PPME1: variants seen among roughly 807,000 people sequenced by gnomAD.
The protein encoded by PPME1 is protein phosphatase methylesterase 1, also known as testicular secretory protein Li 39.
PPME1 carries 17 observed loss-of-function variants against 56.9 expected under a neutral mutation model. The ratio of observed to expected loss-of-function variants is 0.30; its 90% CI spans 0.20 to 0.45. PPME1 has a LOEUF of 0.45. Ranked by LOEUF, PPME1 falls within the 20% of genes least tolerant of loss-of-function variation. The pLI is 1.00. For missense variants in PPME1, 357 were observed against 483.2 expected (o/e 0.74, Z 2.45); for synonymous variants, 122 against 156.2 (o/e 0.78, Z 1.63).
intron 1 of PPME1, among the ~76,000 whole-genome samples, chr11:74,187,282 C>T (rs1047644977): frequency 5.3e-5 from 8 of 152,128 alleles, no homozygotes; most frequent in African/African-American, 7.2e-5. Flanking sequence ...TGCAAAGAAA[C>T]CAGGTGTAAT....
chr11:74,196,023 A>G (rs1327369438), intron 1 of PPME1, among the ~76,000 whole-genome samples: 1 of 152,240 alleles, frequency 6.6e-6, no homozygotes, highest in African/African-American at 2.4e-5. Context: ...TGTTTCTATA[A>G]TGACTAACAG....
chr11:74,215,521 C>A (rs1476037826), intron 3 of PPME1, among the ~76,000 whole-genome samples: 1 of 151,778 alleles, frequency 6.6e-6, no homozygotes, highest in Non-Finnish European at 1.5e-5. Flanking sequence ...AAAAACATAA[C>A]AACAGATACA....
At chr11:74,177,597 G>A (rs916642026) in intron 1 of PPME1, among the ~76,000 whole-genome samples, 8 of 152,008 alleles carry the variant, frequency 5.3e-5, no homozygotes, top group African/African-American at 1.9e-4. Flanking sequence ...TGTTTTGATG[G>A]GTGGTAGAGG....
intron 1 of PPME1, among the ~76,000 whole-genome samples, chr11:74,201,307 T>C (rs1388769688): frequency 1.3e-5 from 2 of 152,156 alleles, no homozygotes; most frequent in Non-Finnish European, 2.9e-5. Context: ...TTTTTTTAAA[T>C]GAAGGAAATT....
At chr11:74,174,299 T>C (rs181770698) in intron 1 of PPME1, among the ~76,000 whole-genome samples, 1 of 152,286 alleles carries the variant, frequency 6.6e-6, no homozygotes, top group East Asian at 1.9e-4. Flanking sequence ...GTGAGACCCA[T>C]TGTGTATTTT....
intron 1 of PPME1, among the ~76,000 whole-genome samples, chr11:74,191,531 T>C (rs1857837313): frequency 6.6e-6 from 1 of 152,192 alleles, no homozygotes; most frequent in Non-Finnish European, 1.5e-5. Context: ...GTTTCAAAGT[T>C]GTTTCAGATG....
intron 1 of PPME1, among the ~76,000 whole-genome samples, chr11:74,188,417 C>A (rs1331435100): frequency 6.6e-6 from 1 of 151,990 alleles, no homozygotes. Flanking sequence ...GAACTCCTGA[C>A]CTCATGATCT....
intron 1 of PPME1, among the ~76,000 whole-genome samples, chr11:74,184,882 C>T (rs1449221495): frequency 1.3e-5 from 2 of 150,558 alleles, no homozygotes. Context: ...AATGTCTCTT[C>T]AATTGAATTG....
At chr11:74,218,911 T>C (rs1174109252) in intron 3 of PPME1, among the ~76,000 whole-genome samples, 1 of 152,092 alleles carries the variant, frequency 6.6e-6, no homozygotes, top group African/African-American at 2.4e-5. Context: ...GTTAAAAGGC[T>C]TCTGCACAGC....
intron 1 of PPME1, among the ~76,000 whole-genome samples, chr11:74,201,929 C>T (rs746152785): frequency 4.6e-5 from 7 of 151,994 alleles, no homozygotes; most frequent in Non-Finnish European, 8.8e-5. Context: ...TTTAGTTTTC[C>T]CATAGGATTT....
chr11:74,222,569 A>G (rs1591050027), intron 4 of PPME1, 200 bp downstream of exon 4: 1 of 513,894 alleles, frequency 1.9e-6, no homozygotes, highest in Non-Finnish European at 3.5e-6. Flanking sequence ...GCTCACTGCA[A>G]CCTCTGCCTC....
At chr11:74,245,794 C>T (rs78237676) in intron 9 of PPME1, among the ~76,000 whole-genome samples, 5,705 of 152,214 alleles carry the variant, frequency 0.037, 229 homozygotes, top group African/African-American at 0.1. Context: ...TTAATCTTGG[C>T]ACTACCACTT....
intron 1 of PPME1, among the ~76,000 whole-genome samples, chr11:74,193,464 A>G (rs900920678): frequency 6.6e-6 from 1 of 152,268 alleles, no homozygotes; most frequent in African/African-American, 2.4e-5. Flanking sequence ...ATATGCAGAT[A>G]ATCCAAAATT....
chr11:74,230,796 T>C lies in PPME1; in HGVS notation c.554-116T>C. 1.2e-6 allele frequency: 1 copy of C among 823,504 alleles called. No homozygotes were observed. Among genetic ancestry groups the C allele is most frequent in the Non-Finnish European group, 2.0e-6 (1 of 511,722 alleles). 51.0% of individuals were successfully genotyped at this position (823,504 alleles called of 1,614,324 possible). On this transcript the variant is annotated intron_variant, in intron 6 of 13. Transcript: ENST00000328257. The surrounding 1 kb of genome is among the most constrained non-coding windows in gnomAD (Gnocchi z 4.9). ...TTATTGAGGGCCATCTTTATTTCTC[T>C]GCGAGCATCACTAAATTCTGCTGTC...
At chr11:74,211,304 A>G (rs1427499281) in intron 3 of PPME1, among the ~76,000 whole-genome samples, 2 of 152,190 alleles carry the variant, frequency 1.3e-5, no homozygotes, top group Non-Finnish European at 2.9e-5. Flanking sequence ...TTCACACAGA[A>G]TAATAAATGC....
intron 11 of PPME1, chr11:74,250,707 A>G (rs931867437): frequency 2.4e-5 from 11 of 462,666 alleles, no homozygotes; most frequent in African/African-American, 9.7e-5. Flanking sequence ...TGTTTCTTCT[A>G]TGTGTCTCTG....
chr11:74,181,226 T>G (rs1003057052), intron 1 of PPME1, among the ~76,000 whole-genome samples: 28 of 151,544 alleles, frequency 1.8e-4, no homozygotes, highest in African/African-American at 5.8e-4. Flanking sequence ...TTTTTTGTAT[T>G]TTTAGTAGAG....
intron 3 of PPME1, among the ~76,000 whole-genome samples, chr11:74,206,495 A>G (rs1025891173): frequency 6.6e-6 from 1 of 152,246 alleles, no homozygotes; most frequent in African/African-American, 2.4e-5. Flanking sequence ...TTAAGGAACA[A>G]TTAAAGGAAC....
At chr11:74,246,234 G>A (rs764810142) in intron 10 of PPME1, 29 bp downstream of exon 10, 18 of 1,522,902 alleles carry the variant, frequency 1.2e-5, no homozygotes, top group African/African-American at 9.8e-5. Context: ...ATATTAGTCA[G>A]CTCAGGCTGC....
Sources: allele counts gnomAD v4.1 joint callset (sites outside exome capture counted in the v4.1 genomes callset), GRCh38; gene constraint gnomAD v4.1.1; non-coding constraint Gnocchi (gnomAD v3.1); transcripts MANE v1.5; gene names NCBI Gene and HGNC (gene_info 2026-07-23, HGNC 2026-07-21).